Variants in CDC37L1 observed in about 807,000 individuals in gnomAD.
The protein encoded by CDC37L1 is hsp90 co-chaperone Cdc37-like 1.
CDC37L1 carries 32 observed loss-of-function variants against 45.9 expected under a neutral mutation model. The observed-to-expected ratio is 0.70, with a 90% CI of 0.53 to 0.94. The LOEUF (loss-of-function observed/expected upper bound fraction) is 0.94. CDC37L1 is among the 40% of genes least tolerant of loss of function. The pLI is 0.00. For missense variants in CDC37L1, 434 were observed against 405.7 expected (o/e 1.07, Z -0.60); for synonymous variants, 150 against 133.0 (o/e 1.13, Z -0.88).
rs1319185531 is a variant in CDC37L1 at position 4,707,413 on chromosome 9, CTG to C, written c.*1302_*1303del. ...TAGCAAACACTTGGAAGGTGGCTAA[CTG>C]GGACTGGGAATACGTGTCTCAACTT... On this transcript the variant is annotated 3_prime_UTR_variant, in exon 7 of 7. Coordinates refer to ENST00000381854, the MANE Select transcript of CDC37L1 (RefSeq NM_017913.4). 1 of 152,186 alleles carries C rather than the reference CTG, an allele frequency of 6.6e-6. No homozygotes were observed. Among genetic ancestry groups the C allele is most frequent in the Non-Finnish European group, 1.5e-5 (1 of 68,044 alleles). 9.4% of individuals were successfully genotyped at this position (152,186 alleles called of 1,614,324 possible).
chr9:4,703,425 C>T (rs1384211255), intron 6 of CDC37L1, among the ~76,000 whole-genome samples: 2 of 150,216 alleles, frequency 1.3e-5, no homozygotes, highest in Non-Finnish European at 1.5e-5. Flanking sequence ...TAGTAATGTT[C>T]CCCCTTAGTT....
At chr9:4,682,784 T>G (rs1328851172) in intron 1 of CDC37L1, among the ~76,000 whole-genome samples, 2 of 151,998 alleles carry the variant, frequency 1.3e-5, no homozygotes, top group African/African-American at 4.8e-5. Flanking sequence ...AAAGAAGTTT[T>G]ATATACAAAA....
Position 4,701,061 on chromosome 9 carries a change from A to G in CDC37L1, c.748-803A>G, listed in dbSNP as rs150932675. ...ACAGAACACTCTCTGCATTATTTCA[A>G]TAGAAGCTGATGGTAGTAACTAATC... is the stretch of plus-strand genomic sequence containing the variant. On this transcript the variant is annotated intron_variant, in intron 5 of 6. Transcript: ENST00000381854. 7.4e-3 allele frequency among the ~76,000 whole-genome samples: 1,121 copies of G among 152,360 alleles called. 8 individuals carry two copies. Among genetic ancestry groups the G allele is most frequent in the Non-Finnish European group, 0.011 (764 of 68,026 alleles).
At chr9:4,685,413 A>G (rs1432555670) in intron 2 of CDC37L1, 3 of 319,944 alleles carry the variant, frequency 9.4e-6, no homozygotes, top group African/African-American at 6.2e-5. Context: ...CAAATATTAC[A>G]TATATTAAAA....
At chr9:4,680,120 C>T (rs1403556492) in intron 1 of CDC37L1, among the ~76,000 whole-genome samples, 1 of 152,216 alleles carries the variant, frequency 6.6e-6, no homozygotes, top group African/African-American at 2.4e-5. Flanking sequence ...CACCTCCACG[C>T]ACATGTTTTC....
At chr9:4,697,067 C>T (rs1393118755) in intron 3 of CDC37L1, 29 bp from the exon 4 acceptor site, 2 of 900,214 alleles carry the variant, frequency 2.2e-6, no homozygotes, top group South Asian at 1.4e-5. Context: ...AAATATTTGA[C>T]ACTTATGGTT....
intron 3 of CDC37L1, among the ~76,000 whole-genome samples, chr9:4,696,138 T>A (rs1841345542): frequency 2.0e-5 from 3 of 152,142 alleles, no homozygotes; most frequent in Admixed American, 2.0e-4. Flanking sequence ...TTTGATTGAC[T>A]CACATTGTTG....
At chr9:4,685,970 T>G (rs1005634528) in intron 2 of CDC37L1, among the ~76,000 whole-genome samples, 1 of 152,134 alleles carries the variant, frequency 6.6e-6, no homozygotes, top group African/African-American at 2.4e-5. Flanking sequence ...CAAAACCAGT[T>G]TGGTTGACAT....
In CDC37L1 at chr9:4,679,896, C is replaced by G; in HGVS notation, c.129C>G (p.Ala43=). The change falls in exon 1 of 7, where the codon GCC becomes GCG. Residue 43 remains alanine (A), a synonymous_variant. Transcript: ENST00000381854. ...PRCPQLPGGG[A]QMYSHGIELA... is the part of the protein sequence containing the mutation. ...GCCCGCAGCTGCCAGGCGGCGGCGC[C>G]CAGGTGAGAAGGGGCCTGCGTTCTG... 1 of 1,613,762 alleles carries G rather than the reference C, an allele frequency of 6.2e-7. No individual in the cohort carries two copies. The highest frequency in any genetic ancestry group is 8.5e-7 in the Non-Finnish European group (1 of 1,179,934).
chr9:4,687,097 G>C (rs1482878742), intron 2 of CDC37L1, among the ~76,000 whole-genome samples: 2 of 152,046 alleles, frequency 1.3e-5, no homozygotes, highest in Non-Finnish European at 2.9e-5. Flanking sequence ...CAGACTGCAT[G>C]AAGAAAAAAT....
At chr9:4,692,252 A>C (rs2130848353) in intron 3 of CDC37L1, among the ~76,000 whole-genome samples, 1 of 152,214 alleles carries the variant, frequency 6.6e-6, no homozygotes, top group South Asian at 2.1e-4. Context: ...AAATGAATAG[A>C]AAATGTATAT....
chr9:4,683,234 T>A (rs1403816752), intron 1 of CDC37L1, among the ~76,000 whole-genome samples: 1 of 151,170 alleles, frequency 6.6e-6, no homozygotes, highest in African/African-American at 2.4e-5. Context: ...GAATAGCAAG[T>A]GTCCACATTT....
chr9:4,689,534 T>A (rs1377799386), intron 3 of CDC37L1, among the ~76,000 whole-genome samples: 1 of 151,864 alleles, frequency 6.6e-6, no homozygotes, highest in African/African-American at 2.4e-5. Context: ...TGTAATTTAT[T>A]CGTAAAATAT....
At position 4,708,363 on chromosome 9, in the gene CDC37L1, A is replaced by G. The variant is rs1419627276; in HGVS notation, c.*2251A>G. The G allele has an allele frequency of 6.6e-6, 1 of 152,032 alleles. No homozygotes were observed. The highest frequency in any genetic ancestry group is 1.5e-5 in the Non-Finnish European group (1 of 67,928). 9.4% of individuals were successfully genotyped at this position (152,032 alleles called of 1,614,324 possible). ...ATCAAAGATTCTTGTTTCATTTGAT[A>G]AAATTAATATTTGAATAAAAAAATT... is the stretch of plus-strand genomic sequence containing the variant. On this transcript the variant is annotated 3_prime_UTR_variant, in exon 7 of 7. Coordinates refer to ENST00000381854, the MANE Select transcript of CDC37L1 (RefSeq NM_017913.4).
rs1313029477 is a variant in CDC37L1 at position 4,682,329 on chromosome 9, A to ATTTT, written c.132+2442_132+2445dup. Among the ~76,000 whole-genome samples, 9 of 92,856 alleles carry ATTTT rather than the reference A, an allele frequency of 9.7e-5. 2 individuals carry two copies. Among genetic ancestry groups the ATTTT allele is most frequent in the Non-Finnish European group, 1.2e-4 (6 of 51,636 alleles). The allele number at this position is 92,856 out of a possible 152,430, so 60.9% of individuals were successfully genotyped here. On this transcript the variant is annotated intron_variant, in intron 1 of 6. Transcript: ENST00000381854. Reference sequence around the variant, plus strand: ...AGGTGCCCACCACTGTGCCCAGCTAATTTTTTTTTTTTTTTGAGATGGAGT... The same window carrying ATTTT: ...AGGTGCCCACCACTGTGCCCAGCTAATTTTTTTTTTTTTTTTTTTGAGATGGAGT...
intron 1 of CDC37L1, among the ~76,000 whole-genome samples, chr9:4,680,171 C>A (rs1318312232): frequency 1.3e-5 from 2 of 152,198 alleles, no homozygotes; most frequent in Admixed American, 1.3e-4. Flanking sequence ...GGAATACCTT[C>A]CTCCATCTCC....
Position 4,685,129 on chromosome 9 carries a change from G to C in CDC37L1, c.385G>C (p.Asp129His). Residue 129 changes from aspartate to histidine, a missense_variant, in exon 2 of 7, where the codon GAT becomes CAT. Asp to His is a moderately conservative substitution (Grantham distance 81). Transcript: ENST00000381854. The part of the protein sequence containing the change: ...QREKMCLWST[D>H]AISKDVFNKS... Reference sequence around the variant, plus strand: ...AGAGAAGATGTGTCTGTGGAGCACGGATGCCATTAGCAAGGATGTTTTTAA... The same window carrying C: ...AGAGAAGATGTGTCTGTGGAGCACGCATGCCATTAGCAAGGATGTTTTTAA... The C allele has an allele frequency of 1.9e-6, 3 of 1,613,868 alleles. No homozygotes were observed. Among genetic ancestry groups the C allele is most frequent in the Non-Finnish European group, 2.5e-6 (3 of 1,179,766 alleles).
At chr9:4,693,401 C>T (rs1368738458) in intron 3 of CDC37L1, among the ~76,000 whole-genome samples, 2 of 151,872 alleles carry the variant, frequency 1.3e-5, no homozygotes, top group African/African-American at 4.8e-5. Flanking sequence ...TGTGATTGCA[C>T]CAGTGTACTC....
At chr9:4,698,056 C>G (rs1231316579) in intron 5 of CDC37L1, among the ~76,000 whole-genome samples, 177 bp downstream of exon 5, 1 of 152,032 alleles carries the variant, frequency 6.6e-6, no homozygotes, top group African/African-American at 2.4e-5. Flanking sequence ...CTTAAAAGAG[C>G]TATATAAGAG....
Sources: gnomAD v4.1 joint callset for allele counts (sites outside exome capture counted in the v4.1 genomes callset) on GRCh38, gnomAD v4.1.1 for gene constraint, MANE v1.5 for transcripts, NCBI Gene and HGNC (gene_info 2026-07-23, HGNC 2026-07-21) for gene names.